The following BCL11B variants were observed in gnomAD, a reference collection of about 807,000 sequenced individuals.
BCL11B encodes BCL11 transcription factor B, also known as B-cell lymphoma/leukemia 11B.
Under a neutral mutation model 49.9 loss-of-function variants are expected in BCL11B, and 8 were observed. The observed-to-expected ratio is 0.16, with a 90% CI of 0.09 to 0.29. The LOEUF (loss-of-function observed/expected upper bound fraction) is 0.29. Among genes scored for constraint, BCL11B ranks in the 10% least tolerant of loss-of-function variants. BCL11B has a pLI of 1.00. For synonymous variants in BCL11B, 739 were observed against 637.4 expected, an observed-to-expected ratio of 1.16 and a Z score of -2.40; for missense variants, 1,006 against 1,351.0, an observed-to-expected ratio of 0.74 and a Z score of 4.00.
intron 1 of BCL11B, among the ~76,000 whole-genome samples, chr14:99,266,986 T>C (rs1366044473): frequency 1.3e-5 from 2 of 152,196 alleles, no homozygotes; most frequent in Admixed American, 1.3e-4. Context: ...ACGACTGTTT[T>C]CTGTGCTTCC....
At chr14:99,181,498 G>A (rs1413344085) in intron 3 of BCL11B, among the ~76,000 whole-genome samples, 2 of 152,266 alleles carry the variant, frequency 1.3e-5, no homozygotes, top group East Asian at 1.9e-4. Flanking sequence ...CTCCAGCCCC[G>A]CCTCGGCACA....
At chr14:99,238,965 A>C (rs1196598232) in intron 2 of BCL11B, among the ~76,000 whole-genome samples, 1 of 152,170 alleles carries the variant, frequency 6.6e-6, no homozygotes, top group Non-Finnish European at 1.5e-5. Context: ...TCTATTATCT[A>C]TAAGAGAGGT....
intron 3 of BCL11B, among the ~76,000 whole-genome samples, chr14:99,190,460 C>G (rs1234315446): frequency 1.3e-5 from 2 of 152,240 alleles, no homozygotes; most frequent in African/African-American, 4.8e-5. Context: ...TGCACTCCAG[C>G]CTGGGCGACA....
intron 3 of BCL11B, among the ~76,000 whole-genome samples, chr14:99,183,591 A>G (rs1886771240): frequency 6.6e-6 from 1 of 152,044 alleles, no homozygotes; most frequent in South Asian, 2.1e-4. Context: ...CCTCATCCAC[A>G]CAGGGAAAAC....
intron 2 of BCL11B, among the ~76,000 whole-genome samples, chr14:99,246,230 C>G (rs1053789166): frequency 2.0e-5 from 3 of 152,198 alleles, no homozygotes; most frequent in African/African-American, 7.2e-5. Flanking sequence ...AGGCCAGACG[C>G]GGGCTGGGTC....
intron 3 of BCL11B, among the ~76,000 whole-genome samples, chr14:99,214,290 T>A (rs770939766): frequency 6.6e-6 from 1 of 152,280 alleles, no homozygotes; most frequent in Middle Eastern, 3.4e-3. Flanking sequence ...TGGTGGCTCA[T>A]GTCTGTAATC....
Position 99,247,575 on chromosome 14 carries a change from T to C in BCL11B, c.427+9896A>G, listed in dbSNP as rs900461131. 6.6e-6 allele frequency among the ~76,000 whole-genome samples: 1 copy of C among 152,196 alleles called. No homozygotes were observed. The highest frequency in any genetic ancestry group is 2.4e-5 in the African/African-American group (1 of 41,442). On this transcript the variant is annotated intron_variant, in intron 2 of 3. Transcript: ENST00000357195. The surrounding 1 kb of genome is among the most constrained non-coding windows in gnomAD (Gnocchi z 4.5). Reference sequence around the variant, plus strand: ...TGGCTACACTCTCCAGGAGGTGTGCTCTACCCTGAAAAAGGCTTTGAAATA... The same window carrying C: ...TGGCTACACTCTCCAGGAGGTGTGCCCTACCCTGAAAAAGGCTTTGAAATA...
chr14:99,251,524 A>G (rs891040684), intron 2 of BCL11B, among the ~76,000 whole-genome samples: 6 of 152,212 alleles, frequency 3.9e-5, no homozygotes, highest in Non-Finnish European at 8.8e-5. Context: ...TTTATGGGGG[A>G]AAAGTCTATG....
chr14:99,231,869 T>C lies in BCL11B; in HGVS notation c.428-312A>G, dbSNP rs1888348749. Among the ~76,000 whole-genome samples, 1 of 151,776 alleles carries C rather than the reference T, an allele frequency of 6.6e-6. No homozygotes were observed. The highest frequency in any genetic ancestry group is 1.5e-5 in the Non-Finnish European group (1 of 67,862). ...GTGAACGGGGGCTGTGAGGACCCAC[T>C]CTCAGGAAGGACCCCCCACGTGGGG... On this transcript the variant is annotated intron_variant, in intron 2 of 3. Coordinates refer to ENST00000357195, the MANE Select transcript of BCL11B (RefSeq NM_138576.4). The surrounding 1 kb of genome is among the most constrained non-coding windows in gnomAD (Gnocchi z 8.1).
intron 2 of BCL11B, among the ~76,000 whole-genome samples, chr14:99,236,898 C>T (rs1888516876): frequency 6.6e-6 from 1 of 152,194 alleles, no homozygotes; most frequent in South Asian, 2.1e-4. Context: ...TAAAATGATC[C>T]TGCAGTTAAA....
chr14:99,256,449 C>T (rs781699689), intron 2 of BCL11B, among the ~76,000 whole-genome samples: 7 of 152,176 alleles, frequency 4.6e-5, no homozygotes, highest in Non-Finnish European at 8.8e-5. Flanking sequence ...CCAAAGTCAA[C>T]CATCAGGATT....
chr14:99,198,739 G>C (rs1481846886), intron 3 of BCL11B, among the ~76,000 whole-genome samples: 1 of 152,162 alleles, frequency 6.6e-6, no homozygotes, highest in Non-Finnish European at 1.5e-5. Context: ...GCACTCACCA[G>C]AACAGCCCCA....
Position 99,231,719 on chromosome 14 carries a change from A to G in BCL11B, c.428-162T>C, listed in dbSNP as rs1251992848. Among the ~76,000 whole-genome samples the G allele has an allele frequency of 2.8e-5, 4 of 144,042 alleles. No individual in the cohort carries two copies. The East Asian group carries it at 9.0e-4, about 32-fold the overall frequency. The allele number at this position is 144,042 out of a possible 152,430, so 94.5% of individuals were successfully genotyped here. On this transcript the variant is annotated intron_variant, in intron 2 of 3. Coordinates refer to ENST00000357195, the MANE Select transcript of BCL11B (RefSeq NM_138576.4). This position sits in a 1 kb window ranked among gnomAD's most constrained non-coding sequence, Gnocchi z 8.1. ...CCTGCAGGGAAGGCAATCGGGACAC[A>G]GGCGAGGGAATGGGCTCGGGGAGGT...
At chr14:99,217,393 C>CACACACACAG (rs1887881752) in intron 3 of BCL11B, among the ~76,000 whole-genome samples, 2 of 149,502 alleles carry the variant, frequency 1.3e-5, no homozygotes, top group Non-Finnish European at 3.0e-5. Context: ...CAGACACACA[C>CACACACACAG]ACACACACAC....
At position 99,172,086 on chromosome 14, in the gene BCL11B, T is replaced by A. The variant is rs1361635700; in HGVS notation, c.*2065A>T. ...ACACACATACACACAATTTTTTTTTTACCCTTGTATGTACCCAATACTGTA... is the reference window on the plus strand; with the variant it reads ...ACACACATACACACAATTTTTTTTTAACCCTTGTATGTACCCAATACTGTA... On this transcript the variant is annotated 3_prime_UTR_variant, in exon 4 of 4. Transcript: ENST00000357195. The A allele has an allele frequency of 1.8e-5, 4 of 220,380 alleles. No individual in the cohort carries two copies. Among genetic ancestry groups the A allele is most frequent in the African/African-American group, 6.7e-5 (3 of 44,614 alleles). 13.7% of individuals were successfully genotyped at this position (220,380 alleles called of 1,614,324 possible). A position where few individuals can be genotyped will look rare whatever the true frequency, so the allele number is the denominator to read the frequency against.
intron 3 of BCL11B, among the ~76,000 whole-genome samples, chr14:99,224,964 G>T (rs1160186883): frequency 6.6e-6 from 1 of 152,142 alleles, no homozygotes; most frequent in African/African-American, 2.4e-5. Flanking sequence ...CACAACCCCA[G>T]AGTCTCAAAC....
chr14:99,179,665 A>G (rs1327277864), intron 3 of BCL11B, among the ~76,000 whole-genome samples: 1 of 151,894 alleles, frequency 6.6e-6, no homozygotes, highest in Non-Finnish European at 1.5e-5. Context: ...TGGTTCCAAT[A>G]CTTCCCTCTG....
rs963582251 is a variant in BCL11B at position 99,266,767 on chromosome 14, G to A, written c.58+4394C>T. ...TGCCAAGTGGCGCTAGGCGCGGCTCGGCGTTTCAGCTTGCCATCAACCAAA... is the reference window on the plus strand; with the variant it reads ...TGCCAAGTGGCGCTAGGCGCGGCTCAGCGTTTCAGCTTGCCATCAACCAAA... On this transcript the variant is annotated intron_variant, in intron 1 of 3. Transcript: ENST00000357195. Among the ~76,000 whole-genome samples the A allele has an allele frequency of 3.9e-5, 6 of 152,222 alleles. No homozygotes were observed. In the South Asian group the frequency reaches 1.0e-3, roughly 26 times the overall value.
intron 2 of BCL11B, among the ~76,000 whole-genome samples, chr14:99,239,285 G>A (rs570380953): frequency 7.2e-5 from 11 of 152,246 alleles, no homozygotes; most frequent in South Asian, 6.2e-4. Flanking sequence ...CTCCAGTTGC[G>A]TCCAGAGCCA....
Sources: gnomAD v4.1 joint callset for allele counts (sites outside exome capture counted in the v4.1 genomes callset) on GRCh38, gnomAD v4.1.1 for gene constraint, Gnocchi (gnomAD v3.1) non-coding constraint, MANE v1.5 for transcripts, NCBI Gene and HGNC (gene_info 2026-07-23, HGNC 2026-07-21) for gene names.